BRINP1: variants seen among roughly 807,000 people sequenced by gnomAD.
BRINP1 encodes BMP/retinoic acid-inducible neural-specific protein 1.
BRINP1 carries 17 observed loss-of-function variants against 72.9 expected under a neutral mutation model. The observed-to-expected ratio is 0.23, with a 90% confidence interval of 0.16 to 0.35. The LOEUF is 0.35. Among genes scored for constraint, BRINP1 ranks in the 10% least tolerant of loss-of-function variants. The pLI is 1.00. For synonymous variants in BRINP1, 418 were observed against 378.5 expected (o/e 1.10, Z -1.21); for missense variants, 850 against 1,001.6 (o/e 0.85, Z 2.04).
chr9:119,295,133 G>A (rs1830861573), intron 2 of BRINP1, among the ~76,000 whole-genome samples: 2 of 151,888 alleles, frequency 1.3e-5, no homozygotes, highest in South Asian at 4.2e-4. Flanking sequence ...CTTAATGATA[G>A]GAATGCATTA....
intron 7 of BRINP1, among the ~76,000 whole-genome samples, chr9:119,169,885 AGG>A (rs1564207990): frequency 3.3e-5 from 5 of 152,160 alleles, no homozygotes; most frequent in Non-Finnish European, 7.4e-5. Flanking sequence ...GACACGTCAC[AGG>A]CAGGGTATTC....
Position 119,315,816 on chromosome 9 carries a change from T to G in BRINP1, c.-50-2411A>C, listed in dbSNP as rs773375301. 4.6e-5 allele frequency among the ~76,000 whole-genome samples: 7 copies of G among 152,288 alleles called. No homozygotes were observed. In the East Asian group the frequency reaches 1.4e-3, roughly 29 times the overall value. On this transcript the variant is annotated intron_variant, in intron 1 of 7. Coordinates refer to ENST00000265922, the MANE Select transcript of BRINP1 (RefSeq NM_014618.3). ...GAGTTTTAGAGGTCTGGGTAGCAGG[T>G]CAAAACAGTCACAACATTCCCTTAA...
At chr9:119,275,607 A>G (rs74521011) in intron 2 of BRINP1, among the ~76,000 whole-genome samples, 1,594 of 152,312 alleles carry the variant, frequency 0.01, 22 homozygotes, top group African/African-American at 0.036. Context: ...CCAATGCAAC[A>G]TATTGGATGC....
At chr9:119,222,322 G>A (rs1374451679) in intron 5 of BRINP1, among the ~76,000 whole-genome samples, 4 of 152,066 alleles carry the variant, frequency 2.6e-5, no homozygotes, top group Non-Finnish European at 5.9e-5. Flanking sequence ...ACAAACTATA[G>A]CCAAATTGAC....
chr9:119,344,576 A>C (rs951696598), intron 1 of BRINP1, among the ~76,000 whole-genome samples: 1 of 152,202 alleles, frequency 6.6e-6, no homozygotes, highest in East Asian at 1.9e-4. Context: ...CAGCCCTTCC[A>C]TACAAGTTCA....
chr9:119,223,808 C>G (rs1179891551), intron 5 of BRINP1, among the ~76,000 whole-genome samples: 1 of 151,986 alleles, frequency 6.6e-6, no homozygotes, highest in Admixed American at 6.6e-5. Flanking sequence ...AATTTCATCT[C>G]AGTAGTTACA....
chr9:119,309,419 T>A (rs1250347096), intron 2 of BRINP1, among the ~76,000 whole-genome samples: 1 of 152,204 alleles, frequency 6.6e-6, no homozygotes, highest in Non-Finnish European at 1.5e-5. Flanking sequence ...AGTTGTGTAA[T>A]ATGAACAATG....
chr9:119,349,444 G>A (rs1052145702), intron 1 of BRINP1, among the ~76,000 whole-genome samples: 8 of 152,176 alleles, frequency 5.3e-5, no homozygotes, highest in African/African-American at 1.7e-4. Flanking sequence ...GAGAGAAGCC[G>A]AGAGATTTCT....
At chr9:119,205,954 A>G (rs1379367793) in intron 7 of BRINP1, among the ~76,000 whole-genome samples, 2 of 152,056 alleles carry the variant, frequency 1.3e-5, no homozygotes, top group Non-Finnish European at 2.9e-5. Flanking sequence ...ACCTCCTATA[A>G]TATTCTGGGC....
chr9:119,267,059 G>A (rs1830555237), intron 2 of BRINP1, among the ~76,000 whole-genome samples: 1 of 152,216 alleles, frequency 6.6e-6, no homozygotes, highest in Non-Finnish European at 1.5e-5. Flanking sequence ...TGGCCTGGAT[G>A]AGGGCAGTAA....
intron 2 of BRINP1, among the ~76,000 whole-genome samples, chr9:119,286,370 C>G (rs1281529573): frequency 6.6e-6 from 1 of 151,928 alleles, no homozygotes; most frequent in Non-Finnish European, 1.5e-5. Context: ...GTAGCTGGGA[C>G]TACAGGCGCC....
At chr9:119,196,468 C>A (rs1011943204) in intron 7 of BRINP1, among the ~76,000 whole-genome samples, 8 of 152,106 alleles carry the variant, frequency 5.3e-5, no homozygotes, top group Non-Finnish European at 1.0e-4. Flanking sequence ...ACCACAGCAT[C>A]CCTTCTATTA....
chr9:119,176,353 A>C (rs2118831921), intron 7 of BRINP1, among the ~76,000 whole-genome samples: 1 of 152,130 alleles, frequency 6.6e-6, no homozygotes, highest in Admixed American at 6.5e-5. Flanking sequence ...CTAGAAACAG[A>C]AGCTAATTTG....
intron 2 of BRINP1, among the ~76,000 whole-genome samples, chr9:119,286,590 G>A (rs1191236682): frequency 5.9e-5 from 9 of 152,180 alleles, no homozygotes; most frequent in Admixed American, 5.9e-4. Flanking sequence ...ACTGGGTAGT[G>A]CAAAAATGTA....
intron 2 of BRINP1, among the ~76,000 whole-genome samples, chr9:119,273,310 A>G (rs1830625253): frequency 6.6e-6 from 1 of 152,176 alleles, no homozygotes; most frequent in Non-Finnish European, 1.5e-5. Flanking sequence ...TTTATAGTAC[A>G]TACTATAATT....
intron 2 of BRINP1, among the ~76,000 whole-genome samples, chr9:119,270,226 A>T (rs1048183831): frequency 6.6e-6 from 1 of 152,118 alleles, no homozygotes; most frequent in African/African-American, 2.4e-5. Context: ...CAAGGGACTG[A>T]CCATGCTGGA....
intron 1 of BRINP1, among the ~76,000 whole-genome samples, chr9:119,343,647 C>A (rs1831425084): frequency 6.6e-6 from 1 of 152,100 alleles, no homozygotes; most frequent in African/African-American, 2.4e-5. Context: ...CTAATCAGGT[C>A]AGTAAATCAT....
At chr9:119,307,507 A>G (rs2118989597) in intron 2 of BRINP1, among the ~76,000 whole-genome samples, 1 of 152,332 alleles carries the variant, frequency 6.6e-6, no homozygotes, top group East Asian at 1.9e-4. Context: ...GTTTGTGATG[A>G]GAAAACTGAA....
intron 2 of BRINP1, among the ~76,000 whole-genome samples, chr9:119,296,962 T>C (rs1830886757): frequency 6.6e-6 from 1 of 152,138 alleles, no homozygotes; most frequent in Admixed American, 6.5e-5. Context: ...GTGACTATAG[T>C]TAAAAATGCT....
Sources: gnomAD v4.1 joint callset for allele counts (sites outside exome capture counted in the v4.1 genomes callset) on GRCh38, gnomAD v4.1.1 for gene constraint, MANE v1.5 for transcripts, NCBI Gene and HGNC (gene_info 2026-07-23, HGNC 2026-07-21) for gene names.